Variants in MDGA2 observed in about 807,000 individuals in gnomAD.
The protein encoded by MDGA2 is MAM domain-containing glycosylphosphatidylinositol anchor protein 2.
MDGA2 carries 40 observed loss-of-function variants against 117.8 expected under a neutral mutation model. The ratio of observed to expected loss-of-function variants is 0.34; its 90% CI spans 0.26 to 0.44. MDGA2 has a LOEUF of 0.44. MDGA2 is among the 20% of genes least tolerant of loss of function. MDGA2 has a pLI of 1.00. For missense variants in MDGA2, 1,123 were observed against 1,250.6 expected (o/e 0.90, Z 1.54); for synonymous variants, 452 against 439.0 (o/e 1.03, Z -0.37).
At chr14:46,894,242 A>G (rs1882993681) in intron 10 of MDGA2, among the ~76,000 whole-genome samples, 1 of 152,106 alleles carries the variant, frequency 6.6e-6, no homozygotes. Context: ...CAGGTCATAC[A>G]GTTGGTAAGA....
intron 6 of MDGA2, among the ~76,000 whole-genome samples, chr14:47,073,287 A>T (rs913556998): frequency 1.3e-5 from 2 of 152,198 alleles, no homozygotes; most frequent in Non-Finnish European, 2.9e-5. Flanking sequence ...TCAATATAGA[A>T]AACAGTGAAG....
intron 1 of MDGA2, among the ~76,000 whole-genome samples, chr14:47,478,824 T>G (rs1893894202): frequency 6.6e-6 from 1 of 152,218 alleles, no homozygotes; most frequent in South Asian, 2.1e-4. Context: ...CAGATCACGC[T>G]AAATAGATGA....
chr14:46,842,131 G>A, intron 16 of MDGA2, 112 bp from the exon 17 acceptor site: 4 of 609,404 alleles, frequency 6.6e-6, no homozygotes, highest in Non-Finnish European at 8.4e-6. Context: ...AAATATTTCT[G>A]GAAAATATTT....
intron 8 of MDGA2, among the ~76,000 whole-genome samples, chr14:46,973,742 T>G (rs1264626894): frequency 3.3e-5 from 5 of 152,084 alleles, no homozygotes; most frequent in African/African-American, 4.8e-5. Context: ...AAGAACAAAC[T>G]AAAATTACCT....
chr14:47,544,030 T>C (rs1895406229), intron 1 of MDGA2, among the ~76,000 whole-genome samples: 1 of 152,226 alleles, frequency 6.6e-6, no homozygotes, highest in Non-Finnish European at 1.5e-5. Context: ...TCCTCAGGCA[T>C]ATCTTGAAGC....
chr14:47,116,323 A>T (rs2139079791), intron 5 of MDGA2, among the ~76,000 whole-genome samples: 1 of 152,138 alleles, frequency 6.6e-6, no homozygotes, highest in East Asian at 1.9e-4. Context: ...ATATTGTTAA[A>T]ATGTCCATAC....
At chr14:46,952,303 T>C (rs1885397579) in intron 9 of MDGA2, among the ~76,000 whole-genome samples, 1 of 151,902 alleles carries the variant, frequency 6.6e-6, no homozygotes, top group Admixed American at 6.6e-5. Flanking sequence ...TGCTTTACTT[T>C]TGGAGGAAAT....
chr14:47,636,101 G>A (rs1897317556), intron 1 of MDGA2, among the ~76,000 whole-genome samples: 2 of 152,096 alleles, frequency 1.3e-5, no homozygotes, highest in Non-Finnish European at 1.5e-5. Flanking sequence ...TGCCAGTAAA[G>A]GACAAATAAT....
At chr14:47,291,488 C>G (rs112624187) in intron 2 of MDGA2, among the ~76,000 whole-genome samples, 2 of 125,910 alleles carry the variant, frequency 1.6e-5, no homozygotes, top group Non-Finnish European at 3.7e-5. Flanking sequence ...ATAACCCCAA[C>G]GCAACTTGAA....
intron 10 of MDGA2, among the ~76,000 whole-genome samples, chr14:46,908,664 T>A (rs138955695): frequency 5.3e-5 from 8 of 152,300 alleles, no homozygotes; most frequent in African/African-American, 1.7e-4. Context: ...GTATTCCAGA[T>A]CTGAAGATTT....
intron 1 of MDGA2, among the ~76,000 whole-genome samples, chr14:47,436,516 A>G (rs761497931): frequency 6.6e-6 from 1 of 152,082 alleles, no homozygotes; most frequent in East Asian, 1.9e-4. Context: ...AGTATGCCAT[A>G]CTCTCTGGGT....
chr14:47,266,950 C>T (rs1887985357), intron 2 of MDGA2, among the ~76,000 whole-genome samples: 1 of 152,154 alleles, frequency 6.6e-6, no homozygotes, highest in African/African-American at 2.4e-5. Flanking sequence ...TTTTCCTGTT[C>T]TCTGAAGTCA....
chr14:47,347,563 A>G (rs769696349), intron 1 of MDGA2, among the ~76,000 whole-genome samples: 6 of 152,174 alleles, frequency 3.9e-5, no homozygotes, highest in Non-Finnish European at 8.8e-5. Flanking sequence ...TCACTGTGCT[A>G]GAGAAGACAA....
intron 5 of MDGA2, among the ~76,000 whole-genome samples, chr14:47,119,960 T>A (rs1392697328): frequency 1.3e-5 from 2 of 152,200 alleles, no homozygotes; most frequent in African/African-American, 4.8e-5. Flanking sequence ...ACTTGTTAAA[T>A]CAAGCTGTAT....
At chr14:47,395,087 C>T (rs1223993916) in intron 1 of MDGA2, among the ~76,000 whole-genome samples, 2 of 152,056 alleles carry the variant, frequency 1.3e-5, no homozygotes, top group East Asian at 1.9e-4. Flanking sequence ...CCCAGGAGTT[C>T]GAGGATGCAG....
chr14:47,444,744 A>C (rs1443752049), intron 1 of MDGA2, among the ~76,000 whole-genome samples: 1 of 152,162 alleles, frequency 6.6e-6, no homozygotes, highest in Non-Finnish European at 1.5e-5. Flanking sequence ...GACGGTAAGT[A>C]ATTAGATGTA....
intron 2 of MDGA2, among the ~76,000 whole-genome samples, chr14:47,240,827 T>A (rs1196463489): frequency 6.6e-6 from 1 of 151,888 alleles, no homozygotes; most frequent in Non-Finnish European, 1.5e-5. Flanking sequence ...TAGCCAACTC[T>A]CTTGAAAGCA....
intron 1 of MDGA2, among the ~76,000 whole-genome samples, chr14:47,382,800 T>C (rs1414743814): frequency 2.6e-5 from 4 of 152,196 alleles, no homozygotes; most frequent in Admixed American, 6.5e-5. Context: ...GTGTGGCGAT[T>C]CCTCAAGGAT....
At chr14:47,260,835 T>C (rs143847845) in intron 2 of MDGA2, among the ~76,000 whole-genome samples, 308 of 152,146 alleles carry the variant, frequency 2.0e-3, no homozygotes, top group Middle Eastern at 3.4e-3. Flanking sequence ...CCTTTGTACA[T>C]AGTACGTTGT....
Sources: gnomAD v4.1 joint callset for allele counts (sites outside exome capture counted in the v4.1 genomes callset) on GRCh38, gnomAD v4.1.1 for gene constraint, MANE v1.5 for transcripts, NCBI Gene and HGNC (gene_info 2026-07-23, HGNC 2026-07-21) for gene names.